SLC27A2: variants seen among roughly 807,000 people sequenced by gnomAD.
The protein encoded by SLC27A2 is long-chain fatty acid transport protein 2.
A neutral mutation model predicts 60.0 loss-of-function variants in SLC27A2; 54 were observed. The observed-to-expected ratio is 0.90, with a 90% CI of 0.72 to 1.13. The LOEUF (loss-of-function observed/expected upper bound fraction) is 1.13. SLC27A2 is among the 50% of genes most tolerant of loss of function. SLC27A2 has a pLI of 0.00. For missense variants in SLC27A2, 739 were observed against 777.6 expected (o/e 0.95, Z 0.59); for synonymous variants, 297 against 297.6 (o/e 1.00, Z 0.02).
intron 4 of SLC27A2, among the ~76,000 whole-genome samples, chr15:50,220,043 A>G (rs2045231990): frequency 6.6e-6 from 1 of 152,210 alleles, no homozygotes; most frequent in Non-Finnish European, 1.5e-5. Flanking sequence ...AGAACCAGAC[A>G]TCTTAGAAGC....
rs1567438263 is a variant in SLC27A2, at chr15:50,229,054, A to T, written c.1555+12A>T. ...AGTGCATGTGCCAGGTATATACAAGATATGATCTGTACCTAACCCATAGAG... is the reference window on the plus strand; with the variant it reads ...AGTGCATGTGCCAGGTATATACAAGTTATGATCTGTACCTAACCCATAGAG... On this transcript the variant is annotated intron_variant, in intron 8 of 9. Transcript: ENST00000267842. The T allele has an allele frequency of 6.6e-7, 1 of 1,510,330 alleles. No individual in the cohort carries two copies. Among genetic ancestry groups the T allele is most frequent in the East Asian group, 2.3e-5 (1 of 43,360 alleles). 93.6% of individuals were successfully genotyped at this position (1,510,330 alleles called of 1,614,324 possible). A position where few individuals can be genotyped will look rare whatever the true frequency, so the allele number is the denominator to read the frequency against.
chr15:50,230,135 G>A (rs1186615850), intron 8 of SLC27A2, among the ~76,000 whole-genome samples: 1 of 151,726 alleles, frequency 6.6e-6, no homozygotes, highest in Non-Finnish European at 1.5e-5. Flanking sequence ...TCGGGAGGCT[G>A]AGGCAGGAGA....
intron 3 of SLC27A2, among the ~76,000 whole-genome samples, 197 bp downstream of exon 3, chr15:50,202,842 T>C (rs551514628): frequency 1.3e-5 from 2 of 152,244 alleles, no homozygotes; most frequent in African/African-American, 2.4e-5. Context: ...TATCTAATAA[T>C]GTAATGCTAT....
At chr15:50,234,620 A>C (rs1426153125) in intron 9 of SLC27A2, among the ~76,000 whole-genome samples, 1 of 150,740 alleles carries the variant, frequency 6.6e-6, no homozygotes, top group African/African-American at 2.4e-5. Context: ...TTAGCCAGGC[A>C]TGGTGATGTG....
rs960292212 is a variant in SLC27A2 at position 50,205,154 on chromosome 15, A to G, written c.848-85A>G. 17 of 1,448,406 alleles carry G rather than the reference A, an allele frequency of 1.2e-5. No homozygotes were observed. In the African/African-American group the frequency reaches 1.7e-4, roughly 15 times the overall value. The allele number at this position is 1,448,406 out of a possible 1,614,324, so 89.7% of individuals were successfully genotyped here. ...AAATATAATTTATTTTTAAATTTCT[A>G]CCGTTCAAAGTTGACAAATTAAACA... is the stretch of plus-strand genomic sequence containing the variant. On this transcript the variant is annotated intron_variant, in intron 3 of 9. Transcript: ENST00000267842.
intron 1 of SLC27A2, among the ~76,000 whole-genome samples, chr15:50,196,367 T>G (rs1354094229): frequency 6.6e-6 from 1 of 151,758 alleles, no homozygotes; most frequent in African/African-American, 2.4e-5. Context: ...GTTCATCTAT[T>G]AGGAATAATT....
In SLC27A2 at chr15:50,209,584, T is replaced by G. The variant is rs144891257; in HGVS notation, c.972+4221T>G. Among the ~76,000 whole-genome samples, 795 of 152,194 alleles carry G rather than the reference T, an allele frequency of 5.2e-3. 7 individuals are homozygous for G. Among genetic ancestry groups the G allele is most frequent in the Middle Eastern group, 0.048 (14 of 292 alleles). On this transcript the variant is annotated intron_variant, in intron 4 of 9. Transcript: ENST00000267842. ...TCAGGTGGCAAGGGCTTTACTCTGCTGAGACTCAAATGTGAACATGACAAG... is the reference window on the plus strand; with the variant it reads ...TCAGGTGGCAAGGGCTTTACTCTGCGGAGACTCAAATGTGAACATGACAAG...
chr15:50,194,565 G>T (rs887897185), intron 1 of SLC27A2, among the ~76,000 whole-genome samples: 1 of 152,118 alleles, frequency 6.6e-6, no homozygotes, highest in African/African-American at 2.4e-5. Context: ...TCTTAAACAG[G>T]GTGGCAACAA....
intron 4 of SLC27A2, among the ~76,000 whole-genome samples, chr15:50,218,524 A>G (rs2045219230): frequency 6.6e-6 from 1 of 152,162 alleles, no homozygotes; most frequent in African/African-American, 2.4e-5. Flanking sequence ...AAGACTACCA[A>G]AAAAAGATAG....
rs989099534 is a variant in SLC27A2 at position 50,199,302 on chromosome 15, A to ATC, written c.688+1597_688+1598dup. On this transcript the variant is annotated intron_variant, in intron 2 of 9. Coordinates refer to ENST00000267842, the MANE Select transcript of SLC27A2 (RefSeq NM_003645.4). ...ATGCTGGCTAACATGGTGAAACCCC[A>ATC]TCTCTACTAAAAGTACAAAAAATTA... Among the ~76,000 whole-genome samples, 73 of 151,928 alleles carry ATC rather than the reference A, an allele frequency of 4.8e-4. 1 individual carries two copies. Among genetic ancestry groups the ATC allele is most frequent in the Non-Finnish European group, 8.4e-4 (57 of 67,950 alleles).
chr15:50,222,100 T>C (rs563807474), intron 4 of SLC27A2: 1 of 152,374 alleles, frequency 6.6e-6, no homozygotes, highest in African/African-American at 2.4e-5. Context: ...GGCAGCCTGG[T>C]CATAGCCCCA....
chr15:50,212,159 G>C (rs1175724662), intron 4 of SLC27A2, among the ~76,000 whole-genome samples: 4 of 151,586 alleles, frequency 2.6e-5, no homozygotes, highest in African/African-American at 4.8e-5. Flanking sequence ...AAATGCTCTG[G>C]AAAGTCTCAG....
chr15:50,186,510 T>C (rs1322707779), intron 1 of SLC27A2, among the ~76,000 whole-genome samples: 1 of 152,190 alleles, frequency 6.6e-6, no homozygotes, highest in Non-Finnish European at 1.5e-5. Flanking sequence ...CGATCTCGAC[T>C]CACGGCAACC....
chr15:50,228,376 CAAAAAAAAA>C (rs71124333), intron 7 of SLC27A2, among the ~76,000 whole-genome samples: 4 of 77,272 alleles, frequency 5.2e-5, no homozygotes, highest in Admixed American at 1.9e-4. Context: ...GACTCTGCCT[CAAAAAAAAA>C]AAAAAAAAAA....
At chr15:50,229,148 A>T in intron 8 of SLC27A2, 106 bp downstream of exon 8, 1 of 708,810 alleles carries the variant, frequency 1.4e-6, no homozygotes, top group South Asian at 1.8e-5. Context: ...AGAGTTAAAC[A>T]GTTCTTTCAG....
At chr15:50,204,899 A>G (rs1190181234) in intron 3 of SLC27A2, among the ~76,000 whole-genome samples, 1 of 147,944 alleles carries the variant, frequency 6.8e-6, no homozygotes, top group Non-Finnish European at 1.5e-5. Context: ...CTATTTATAC[A>G]TATATTTAGT....
chr15:50,194,851 A>G (rs2045001241), intron 1 of SLC27A2, among the ~76,000 whole-genome samples: 1 of 152,156 alleles, frequency 6.6e-6, no homozygotes, highest in Non-Finnish European at 1.5e-5. Flanking sequence ...AGAAAAAAAA[A>G]GAACTGTTCA....
chr15:50,202,317 C>T (rs112348607), intron 2 of SLC27A2, among the ~76,000 whole-genome samples, 170 bp from the exon 3 acceptor site: 2,198 of 152,300 alleles, frequency 0.014, 67 homozygotes, highest in African/African-American at 0.051. Flanking sequence ...ACATTTACTC[C>T]CTGGTCCTTT....
At chr15:50,205,459 T>A in intron 4 of SLC27A2, 96 bp downstream of exon 4, 1 of 1,285,720 alleles carries the variant, frequency 7.8e-7, no homozygotes, top group Non-Finnish European at 1.1e-6. Flanking sequence ...TTTGCATATA[T>A]CAGTTTTGAG....
Sources: gnomAD v4.1 joint callset for allele counts (sites outside exome capture counted in the v4.1 genomes callset) on GRCh38, gnomAD v4.1.1 for gene constraint, MANE v1.5 for transcripts, NCBI Gene and HGNC (gene_info 2026-07-23, HGNC 2026-07-21) for gene names.